Variants in HAUS2 observed in about 807,000 individuals in gnomAD.
The protein encoded by HAUS2 is HAUS augmin-like complex subunit 2.
A neutral mutation model predicts 21.6 loss-of-function variants in HAUS2; 20 were observed. That is an observed-to-expected ratio of 0.93 (90% CI 0.65 to 1.35). The LOEUF is 1.35. Ranked by LOEUF, HAUS2 falls within the 40% of genes most tolerant of loss-of-function variation. The probability of loss-of-function intolerance (pLI) is 0.00; values close to 1 mark genes in which losing one functional copy is unlikely to be tolerated. For missense variants in HAUS2, 297 were observed against 280.7 expected, an observed-to-expected ratio of 1.06 and a Z score of -0.42; for synonymous variants, 113 against 95.6, an observed-to-expected ratio of 1.18 and a Z score of -1.06.
chr15:42,560,950 G>C, intron 3 of HAUS2: 1 of 639,600 alleles, frequency 1.6e-6, no homozygotes, highest in Non-Finnish European at 2.8e-6. Flanking sequence ...TAGGAAAAAA[G>C]ACTTTGTGTT....
intron 1 of HAUS2, among the ~76,000 whole-genome samples, chr15:42,556,122 ATTTTT>A (rs760982814): frequency 7.5e-6 from 1 of 133,558 alleles, no homozygotes; most frequent in Non-Finnish European, 1.6e-5. Flanking sequence ...CGCCTGGCTA[ATTTTT>A]TTTTTTTTTT....
chr15:42,563,736 C>T lies in HAUS2; in HGVS notation c.390-13C>T, dbSNP rs930964320. On this transcript the variant is annotated splice_polypyrimidine_tract_variant and intron_variant, in intron 4 of 5. Coordinates refer to ENST00000260372, the MANE Select transcript of HAUS2 (RefSeq NM_018097.3). ...ACTTTAAAAAATGGTTGACTTTTTT[C>T]TTTCTCTTTCAGATATATGGTACAT... 3 of 1,311,122 alleles carry T rather than the reference C, an allele frequency of 2.3e-6. No individual in the cohort carries two copies. Among genetic ancestry groups the T allele is most frequent in the Admixed American group, 3.5e-5 (2 of 57,582 alleles). The allele number at this position is 1,311,122 out of a possible 1,614,324, so 81.2% of individuals were successfully genotyped here. A position where few individuals can be genotyped will look rare whatever the true frequency, so the allele number is the denominator to read the frequency against.
chr15:42,558,326 T>G (rs764128623), intron 2 of HAUS2, 36 bp downstream of exon 2: 142 of 807,596 alleles, frequency 1.8e-4, no homozygotes, highest in Middle Eastern at 7.3e-4. Context: ...TTTTTTTTTT[T>G]TTTTTTTTTT....
At chr15:42,559,730 A>C (rs1025885495) in intron 3 of HAUS2, among the ~76,000 whole-genome samples, 2 of 152,154 alleles carry the variant, frequency 1.3e-5, no homozygotes, top group African/African-American at 4.8e-5. Context: ...TTTTATTTTA[A>C]TGAGATGGGG....
rs898983418 is a variant in HAUS2 at position 42,568,188 on chromosome 15, C to G, written c.*1372C>G. 1 of 152,216 alleles carries G rather than the reference C, an allele frequency of 6.6e-6. No individual in the cohort carries two copies. Among genetic ancestry groups the G allele is most frequent in the Non-Finnish European group, 1.5e-5 (1 of 68,042 alleles). The allele number at this position is 152,216 out of a possible 1,614,324, so 9.4% of individuals were successfully genotyped here. On this transcript the variant is annotated 3_prime_UTR_variant, in exon 6 of 6. Coordinates refer to ENST00000260372, the MANE Select transcript of HAUS2 (RefSeq NM_018097.3). Reference sequence around the variant, plus strand: ...TAAGGTTTGTCCTCAGCTGTTGCATCTGGGAACTTAGATATCAGAAGGTAT... The same window carrying G: ...TAAGGTTTGTCCTCAGCTGTTGCATGTGGGAACTTAGATATCAGAAGGTAT...
chr15:42,565,214 G>A (rs1021186520), intron 5 of HAUS2, among the ~76,000 whole-genome samples: 3 of 152,198 alleles, frequency 2.0e-5, no homozygotes, highest in Admixed American at 2.0e-4. Flanking sequence ...GGAGCAATGT[G>A]AGGAAAGACA....
intron 1 of HAUS2, among the ~76,000 whole-genome samples, chr15:42,556,896 A>G (rs1417309872): frequency 2.0e-5 from 3 of 151,994 alleles, no homozygotes; most frequent in Non-Finnish European, 4.4e-5. Context: ...AGTAATCCCA[A>G]AAACTCCCAG....
intron 1 of HAUS2, among the ~76,000 whole-genome samples, chr15:42,557,845 G>T (rs1343550344): frequency 6.6e-6 from 1 of 152,060 alleles, no homozygotes; most frequent in Non-Finnish European, 1.5e-5. Flanking sequence ...GAGAGACTGG[G>T]CCTGAGTCAT....
Position 42,558,252 on chromosome 15 carries a change from C to T in HAUS2, c.148C>T (p.Leu50=), listed in dbSNP as rs2057807567. The change falls in exon 2 of 6, where the codon CTA becomes TTA. Residue 50 remains leucine (L), a synonymous_variant. Coordinates refer to ENST00000260372, the MANE Select transcript of HAUS2 (RefSeq NM_018097.3). ...TVSCFVNFTR[L]QQITNIQAEI... ...TTCTTGTTTTGTGAACTTCACCAGA[C>T]TACAGCAGATCACAAATATTCAAGC... 1.3e-6 allele frequency: 2 copies of T among 1,484,302 alleles called. No individual in the cohort carries two copies. The highest frequency in any genetic ancestry group is 1.2e-5 in the South Asian group (1 of 85,640). 91.9% of individuals were successfully genotyped at this position (1,484,302 alleles called of 1,614,324 possible). A position where few individuals can be genotyped will look rare whatever the true frequency, so the allele number is the denominator to read the frequency against.
chr15:42,561,829 T>C (rs1246246664), intron 4 of HAUS2: 1 of 168,898 alleles, frequency 5.9e-6, no homozygotes, highest in African/African-American at 2.4e-5. Context: ...TCATCTCTAC[T>C]GTTTATATGC....
At chr15:42,562,239 TTAAG>T (rs1329479296) in intron 4 of HAUS2, among the ~76,000 whole-genome samples, 9 of 152,190 alleles carry the variant, frequency 5.9e-5, no homozygotes, top group Admixed American at 2.0e-4. Context: ...AATCAGTATC[TTAAG>T]TGTCAGATTT....
In HAUS2 at chr15:42,556,947, G is replaced by A. The variant is rs1467678456; in HGVS notation, c.94-1251G>A. On this transcript the variant is annotated intron_variant, in intron 1 of 5. Coordinates refer to ENST00000260372, the MANE Select transcript of HAUS2 (RefSeq NM_018097.3). ...TAATCCCAGCTATTTGGGAAGCTAAGGCAGGAGAATCAGTTGAATGCAAGA... is the reference window on the plus strand; with the variant it reads ...TAATCCCAGCTATTTGGGAAGCTAAAGCAGGAGAATCAGTTGAATGCAAGA... Among the ~76,000 whole-genome samples, 3 of 152,064 alleles carry A rather than the reference G, an allele frequency of 2.0e-5. No individual in the cohort carries two copies. In the East Asian group the frequency reaches 5.8e-4, roughly 29 times the overall value.
chr15:42,563,975 T>C, intron 5 of HAUS2, 118 bp downstream of exon 5: 1 of 654,134 alleles, frequency 1.5e-6, no homozygotes, highest in Non-Finnish European at 2.7e-6. Context: ...AATCAAGAAG[T>C]ATTTTCTTGG....
At chr15:42,559,505 AT>A in intron 3 of HAUS2, 97 bp downstream of exon 3, 1 of 731,650 alleles carries the variant, frequency 1.4e-6, no homozygotes. Flanking sequence ...ATACACCATC[AT>A]TTTTCCAGGT....
chr15:42,552,179 C>T (rs1048740321), intron 1 of HAUS2, among the ~76,000 whole-genome samples: 4 of 152,044 alleles, frequency 2.6e-5, no homozygotes, highest in Admixed American at 6.6e-5. Flanking sequence ...CGCACCACCA[C>T]GCCCGGCTAA....
intron 1 of HAUS2, among the ~76,000 whole-genome samples, chr15:42,555,154 A>G (rs550377329): frequency 6.6e-6 from 1 of 151,618 alleles, no homozygotes; most frequent in South Asian, 2.1e-4. Context: ...CACCCAGCTA[A>G]TTTTTGTATT....
In HAUS2 at chr15:42,554,994, A is replaced by AT. The variant is rs1302787324; in HGVS notation, c.94-3190dup. Among the ~76,000 whole-genome samples the AT allele has an allele frequency of 4.6e-3, 658 of 141,922 alleles. 3 individuals are homozygous for AT. The highest frequency in any genetic ancestry group is 9.5e-3 in the African/African-American group (368 of 38,762). 93.1% of individuals were successfully genotyped at this position (141,922 alleles called of 152,430 possible). A position where few individuals can be genotyped will look rare whatever the true frequency, so the allele number is the denominator to read the frequency against. On this transcript the variant is annotated intron_variant, in intron 1 of 5. Transcript: ENST00000260372. ...AGGCACATGTCACCATGCCTGGCTA[A>AT]TTTTTTTTTTTTTTGAGACAGAGTC... is the stretch of plus-strand genomic sequence containing the variant.
intron 5 of HAUS2, among the ~76,000 whole-genome samples, chr15:42,564,155 A>T (rs1394466515): frequency 2.0e-5 from 3 of 151,612 alleles, no homozygotes; most frequent in Non-Finnish European, 4.4e-5. Context: ...AATTCCAGCT[A>T]CCCGGGAGGC....
At chr15:42,566,244 C>T (rs2057905561) in intron 5 of HAUS2, among the ~76,000 whole-genome samples, 1 of 151,212 alleles carries the variant, frequency 6.6e-6, no homozygotes. Context: ...TTTGACACAT[C>T]TTGCACATGT....
Sources: gnomAD v4.1 joint callset for allele counts (sites outside exome capture counted in the v4.1 genomes callset) on GRCh38, gnomAD v4.1.1 for gene constraint, MANE v1.5 for transcripts, NCBI Gene and HGNC (gene_info 2026-07-23, HGNC 2026-07-21) for gene names.